SS18: variants seen among roughly 807,000 people sequenced by gnomAD.
The protein encoded by SS18 is SS18 subunit of BAF chromatin remodeling complex.
In SS18, 28 loss-of-function variants were observed where a neutral mutation model predicts 72.5. That is an observed-to-expected ratio of 0.39 (90% CI 0.29 to 0.53). The LOEUF (loss-of-function observed/expected upper bound fraction) is 0.53, where lower values mean the gene tolerates loss of function less well. Among genes scored for constraint, SS18 ranks in the 20% least tolerant of loss-of-function variants. The pLI, the probability that SS18 is intolerant of heterozygous loss-of-function variation, is 0.76. For synonymous variants in SS18, 172 were observed against 164.2 expected, an observed-to-expected ratio of 1.05 and a Z score of -0.37; for missense variants, 518 against 535.3, an observed-to-expected ratio of 0.97 and a Z score of 0.32.
At chr18:26,034,277 A>G (rs558833966) in intron 9 of SS18, among the ~76,000 whole-genome samples, 1 of 150,996 alleles carries the variant, frequency 6.6e-6, no homozygotes, top group African/African-American at 2.5e-5. Flanking sequence ...TAGGAAGAGA[A>G]GGAGTCAGTA....
At chr18:26,087,956 C>T (rs907729206) in intron 1 of SS18, among the ~76,000 whole-genome samples, 7 of 152,112 alleles carry the variant, frequency 4.6e-5, no homozygotes, top group African/African-American at 9.7e-5. Flanking sequence ...ACAGTTCATA[C>T]GGACAATCTT....
At chr18:26,090,439 C>T (rs901724979) in intron 1 of SS18, 62 bp downstream of exon 1, 2 of 1,511,808 alleles carry the variant, frequency 1.3e-6, no homozygotes, top group Non-Finnish European at 1.8e-6. Context: ...GGCCCTTCCC[C>T]CCGCGTCTGT....
rs2053558959 is a variant in SS18 at position 26,032,426 on chromosome 18, G to T, written c.1203C>A (p.Pro401=). The part of the protein sequence containing the change: ...RPTQPGPPQP[P]QQRPYGYDQG... The stretch of plus-strand genomic sequence containing the variant: ...GGTCATATCCATAAGGCCTCTGCTG[G>T]GGTGGCTGTGGTGGTCCAGGCTGTG... The change falls in exon 10 of 11, where the codon CCC becomes CCA. Residue 401 remains proline, a synonymous_variant. Coordinates refer to ENST00000415083, the MANE Select transcript of SS18 (RefSeq NM_001007559.3). The T allele has an allele frequency of 6.2e-7, 1 of 1,613,704 alleles. No homozygotes were observed. The highest frequency in any genetic ancestry group is 8.5e-7 in the Non-Finnish European group (1 of 1,179,814).
intron 1 of SS18, chr18:26,089,756 A>C (rs543988285): frequency 6.6e-6 from 1 of 152,372 alleles, no homozygotes; most frequent in South Asian, 2.1e-4. Context: ...ATCACGACTT[A>C]CATTAACTGG....
At chr18:26,050,329 A>G (rs1326546843) in intron 5 of SS18, among the ~76,000 whole-genome samples, 1 of 152,166 alleles carries the variant, frequency 6.6e-6, no homozygotes, top group Non-Finnish European at 1.5e-5. Context: ...ATACTAGCTT[A>G]GTTGCTGAAT....
chr18:26,020,832 A>G (rs1008045779), intron 10 of SS18, among the ~76,000 whole-genome samples: 2 of 152,202 alleles, frequency 1.3e-5, no homozygotes, highest in Non-Finnish European at 2.9e-5. Flanking sequence ...AAAAGGGGGC[A>G]ATTCAAATAG....
chr18:26,079,826 C>G (rs560555633), intron 2 of SS18, among the ~76,000 whole-genome samples: 4 of 152,286 alleles, frequency 2.6e-5, no homozygotes, highest in Admixed American at 2.0e-4. Flanking sequence ...AGCAATCAGC[C>G]AGCCTCAGAC....
intron 7 of SS18, among the ~76,000 whole-genome samples, chr18:26,037,148 C>T (rs1453270651): frequency 6.6e-6 from 1 of 151,838 alleles, no homozygotes; most frequent in African/African-American, 2.4e-5. Context: ...GTAATATACA[C>T]CTATGCAAAA....
upstream of SS18, chr18:26,090,626 G>C (rs546680995): frequency 7.9e-6 from 12 of 1,518,078 alleles, no homozygotes; most frequent in African/African-American, 2.8e-5. Flanking sequence ...ACGGCAAACT[G>C]GGGGAGAGAC....
At chr18:26,034,754 T>G (rs1404549086) in intron 9 of SS18, among the ~76,000 whole-genome samples, 1 of 152,148 alleles carries the variant, frequency 6.6e-6, no homozygotes, top group African/African-American at 2.4e-5. Context: ...ATAATTCATT[T>G]TTCTTGTCTT....
At chr18:26,027,386 C>T (rs896602843) in intron 10 of SS18, among the ~76,000 whole-genome samples, 4 of 152,020 alleles carry the variant, frequency 2.6e-5, no homozygotes, top group African/African-American at 4.8e-5. Context: ...CGGTGGCTCA[C>T]GCCTGTAATC....
At chr18:26,079,165 G>A (rs921462509) in intron 2 of SS18, 8 of 152,212 alleles carry the variant, frequency 5.3e-5, no homozygotes, top group African/African-American at 1.9e-4. Context: ...AAAGATGGAA[G>A]AAATGTTATA....
chr18:26,083,500 T>C (rs966024543), intron 2 of SS18, among the ~76,000 whole-genome samples: 3 of 152,188 alleles, frequency 2.0e-5, no homozygotes, highest in Non-Finnish European at 1.5e-5. Context: ...ACCTAGATGG[T>C]ATAGCTTACT....
intron 3 of SS18, among the ~76,000 whole-genome samples, chr18:26,058,677 C>T (rs1598580283): frequency 6.6e-6 from 1 of 152,210 alleles, no homozygotes; most frequent in East Asian, 1.9e-4. Flanking sequence ...TTGGCCATCA[C>T]ATTTAAATAC....
rs756882236 is a variant in SS18 at position 26,078,117 on chromosome 18, T to C, written c.190A>G (p.Ile64Val). 4.3e-6 allele frequency: 7 copies of C among 1,612,996 alleles called. No homozygotes were observed. The highest frequency in any genetic ancestry group is 5.1e-6 in the Non-Finnish European group (6 of 1,179,540). ...TGCATATTTTGATTAGAATCTGCTA[T>C]TGTAGCAAGGTATACCAAGTTTGTG... is the stretch of plus-strand genomic sequence containing the variant. Reference protein sequence around the residue: ...LHTNLVYLATIADSNQNMQSL... With the variant: ...LHTNLVYLATVADSNQNMQSL... The change falls in exon 3 of 11, where the codon ATA becomes GTA. Residue 64 changes from isoleucine (I) to valine (V), a missense_variant. Ile to Val is a conservative substitution (Grantham distance 29, BLOSUM62 3). Coordinates refer to ENST00000415083, the MANE Select transcript of SS18 (RefSeq NM_001007559.3).
intron 3 of SS18, among the ~76,000 whole-genome samples, chr18:26,063,186 T>G (rs2054153725): frequency 7.0e-6 from 1 of 143,142 alleles, no homozygotes; most frequent in African/African-American, 3.0e-5. Flanking sequence ...ACAGTGGAAT[T>G]AAATTAGAAA....
At chr18:26,082,619 T>C (rs1002269139) in intron 2 of SS18, 1 of 568,614 alleles carries the variant, frequency 1.8e-6, no homozygotes, top group Non-Finnish European at 2.2e-6. Context: ...CAGTAACACA[T>C]TCTCACGTGT....
In SS18 at chr18:26,075,706, A is replaced by G. The variant is rs564252667; in HGVS notation, c.231+2370T>C. ...ATGTCCTCTATCACCACTTCTATTC[A>G]GGAATGTAATGGAGGTCATAGCCAG... is the stretch of plus-strand genomic sequence containing the variant. On this transcript the variant is annotated intron_variant, in intron 3 of 10. Transcript: ENST00000415083. 9.9e-5 allele frequency among the ~76,000 whole-genome samples: 15 copies of G among 151,956 alleles called. 1 individual carries two copies. The highest frequency in any genetic ancestry group is 4.6e-4 in the Admixed American group (7 of 15,256).
chr18:26,090,779 C>A (rs544471161), upstream of SS18: 2 of 597,006 alleles, frequency 3.4e-6, no homozygotes, highest in Admixed American at 3.1e-5. Context: ...GACCCCTAGC[C>A]CTGGCCGAAC....
Sources: allele counts gnomAD v4.1 joint callset (sites outside exome capture counted in the v4.1 genomes callset), GRCh38; gene constraint gnomAD v4.1.1; transcripts MANE v1.5; gene names NCBI Gene and HGNC (gene_info 2026-07-23, HGNC 2026-07-21).